The following LARP1 variants were observed in gnomAD, a reference collection of about 807,000 sequenced individuals.
LARP1 encodes La ribonucleoprotein 1, translational regulator, also known as la-related protein 1.
In LARP1, 36 loss-of-function variants were observed where a neutral mutation model predicts 122.7. The observed-to-expected ratio is 0.29, with a 90% CI of 0.22 to 0.39. The LOEUF (loss-of-function observed/expected upper bound fraction) is 0.39. Ranked by LOEUF, LARP1 falls within the 10% of genes least tolerant of loss-of-function variation. The pLI is 1.00. For missense variants in LARP1, 1,040 were observed against 1,403.6 expected (o/e 0.74, Z 4.14); for synonymous variants, 539 against 528.7 (o/e 1.02, Z -0.27).
Position 154,790,696 on chromosome 5 carries a change from C to T in LARP1, c.550C>T (p.His184Tyr), listed in dbSNP as rs1414145159. ...TTGGCCCACACCTGGAGAGATAGCC[C>T]ACAAGAGTGTTCAGGTGAGTCTGTG... is the stretch of plus-strand genomic sequence containing the variant. ...INWPTPGEIA[H>Y]KSVQPQSHKP... The change falls in exon 3 of 19, where the codon CAC (histidine) becomes TAC (tyrosine). Residue 184 changes from histidine (H) to tyrosine (Y), a missense_variant. Transcript: ENST00000518297. The T allele has an allele frequency of 6.2e-7, 1 of 1,614,056 alleles. No homozygotes were observed. Among genetic ancestry groups the T allele is most frequent in the Non-Finnish European group, 8.5e-7 (1 of 1,180,018 alleles).
intron 1 of LARP1, among the ~76,000 whole-genome samples, chr5:154,741,501 A>T (rs536530853): frequency 2.9e-4 from 44 of 152,284 alleles, no homozygotes; most frequent in Non-Finnish European, 5.1e-4. Context: ...TATTTCAACC[A>T]GGCTGATCAA....
At chr5:154,789,449 G>A (rs1306694867) in intron 1 of LARP1, among the ~76,000 whole-genome samples, 1 of 151,918 alleles carries the variant, frequency 6.6e-6, no homozygotes, top group Non-Finnish European at 1.5e-5. Flanking sequence ...TCAAACTCCT[G>A]ACCTCGGGTG....
intron 1 of LARP1, among the ~76,000 whole-genome samples, chr5:154,717,942 G>T (rs1263762431): frequency 6.6e-6 from 1 of 152,100 alleles, no homozygotes; most frequent in Non-Finnish European, 1.5e-5. Context: ...TTAAGAGTCA[G>T]TGTTTCACTC....
At chr5:154,784,380 A>C (rs1246214042) in intron 1 of LARP1, among the ~76,000 whole-genome samples, 1 of 152,198 alleles carries the variant, frequency 6.6e-6, no homozygotes, top group East Asian at 1.9e-4. Flanking sequence ...AGGTCGACCT[A>C]ACGGCCAAGT....
chr5:154,742,299 C>A (rs1218893454), intron 1 of LARP1, among the ~76,000 whole-genome samples: 1 of 152,188 alleles, frequency 6.6e-6, no homozygotes, highest in African/African-American at 2.4e-5. Context: ...TGGTGGCTCA[C>A]ACCTGTAATC....
At chr5:154,789,239 T>TTTTTA (rs1757145482) in intron 1 of LARP1, among the ~76,000 whole-genome samples, 5 of 145,550 alleles carry the variant, frequency 3.4e-5, no homozygotes, top group African/African-American at 1.3e-4. Flanking sequence ...TTTTTTTTTT[T>TTTTTA]GAGACAGTCT....
At chr5:154,756,295 A>C (rs1216041723) in intron 1 of LARP1, 102 bp downstream of exon 1, 58 of 966,506 alleles carry the variant, frequency 6.0e-5, no homozygotes, top group Non-Finnish European at 6.9e-5. Flanking sequence ...GCTACCGGTC[A>C]TGGTGACTCG....
At chr5:154,797,218 GTTGTTTTTTTTTTTTTTT>G (rs1757938780) in intron 8 of LARP1, among the ~76,000 whole-genome samples, 2 of 66,204 alleles carry the variant, frequency 3.0e-5, no homozygotes, top group Non-Finnish European at 6.2e-5. Context: ...TTTTGTTGTT[GTTGTTTTTTTTTTTTTTT>G]TTTTTTTTTT....
intron 7 of LARP1, 24 bp downstream of exon 7, chr5:154,794,286 C>G: frequency 6.2e-7 from 1 of 1,608,472 alleles, no homozygotes; most frequent in Non-Finnish European, 8.5e-7. Context: ...AGCCTTCTTA[C>G]CCTGGAGAAA....
upstream of LARP1, among the ~76,000 whole-genome samples, chr5:154,755,000 G>A (rs924617387): frequency 6.6e-6 from 1 of 152,120 alleles, no homozygotes; most frequent in South Asian, 2.1e-4. Flanking sequence ...ACCTGAGGCC[G>A]CTCTCACGCG....
In LARP1 at chr5:154,795,156, A is replaced by T. The variant is rs990455595; in HGVS notation, c.1233-19A>T. The stretch of plus-strand genomic sequence containing the variant: ...ATGCACCAATCCCTCGGTGATAACT[A>T]CTTCTTCCCTCCACTTAGTGAATAC... On this transcript the variant is annotated intron_variant, in intron 7 of 18. Transcript: ENST00000518297. The T allele has an allele frequency of 1.9e-6, 3 of 1,612,280 alleles. No individual in the cohort carries two copies. Among genetic ancestry groups the T allele is most frequent in the African/African-American group, 2.7e-5 (2 of 74,890 alleles).
intron 1 of LARP1, among the ~76,000 whole-genome samples, chr5:154,717,891 A>C (rs558241334): frequency 5.2e-4 from 79 of 151,900 alleles, no homozygotes; most frequent in Non-Finnish European, 9.4e-4. Context: ...ACACACACAC[A>C]CCTATGGGTT....
intron 1 of LARP1, among the ~76,000 whole-genome samples, chr5:154,745,054 A>G (rs1369078033): frequency 1.3e-5 from 2 of 151,556 alleles, no homozygotes; most frequent in Admixed American, 6.6e-5. Flanking sequence ...AGCCTCCCGC[A>G]TAGCTGGGAC....
intron 1 of LARP1, among the ~76,000 whole-genome samples, chr5:154,773,610 A>G (rs543489385): frequency 3.6e-4 from 55 of 152,334 alleles, no homozygotes; most frequent in Non-Finnish European, 7.1e-4. Flanking sequence ...GGGATAGGAT[A>G]TTTAAAACAC....
rs541145617 is a variant in LARP1, at chr5:154,780,698, C to T, written c.437-9627C>T. 3.3e-5 allele frequency among the ~76,000 whole-genome samples: 5 copies of T among 152,266 alleles called. No individual in the cohort carries two copies. The East Asian group carries it at 9.6e-4, about 29-fold the overall frequency. ...CTCCACTCCAATAATGGGAATAATC[C>T]AAAGTAATTTTTTGGGGATTCAGAA... On this transcript the variant is annotated intron_variant, in intron 1 of 18. Coordinates refer to ENST00000518297, the MANE Select transcript of LARP1 (RefSeq NM_033551.3).
rs76061490 is a variant in LARP1, at chr5:154,805,467, G to A, written c.2547-414G>A. On this transcript the variant is annotated intron_variant, in intron 14 of 18. Transcript: ENST00000518297. ...AGTGGCAAAGGTGGAAGAAATCTGC[G>A]TATAAGTGGACCCACGCGTGGATCC... Among the ~76,000 whole-genome samples, 536 of 152,264 alleles carry A rather than the reference G, an allele frequency of 3.5e-3. 4 individuals carry two copies. Among genetic ancestry groups the A allele is most frequent in the African/African-American group, 0.012 (500 of 41,552 alleles).
At chr5:154,780,089 A>G (rs1756300245) in intron 1 of LARP1, among the ~76,000 whole-genome samples, 3 of 151,880 alleles carry the variant, frequency 2.0e-5, no homozygotes. Flanking sequence ...TTGCTACTCG[A>G]GAACTCCAGC....
chr5:154,815,429 C>T lies in LARP1; in HGVS notation c.*1333C>T, dbSNP rs1759601351. On this transcript the variant is annotated 3_prime_UTR_variant, in exon 19 of 19. Coordinates refer to ENST00000518297, the MANE Select transcript of LARP1 (RefSeq NM_033551.3). The stretch of plus-strand genomic sequence containing the variant: ...ACTTGTCCTCAGCTTACCATCTCCT[C>T]ACACCCCAGAGTGGAAAGGTGAACA... 6.6e-6 allele frequency: 1 copy of T among 152,360 alleles called. No homozygotes were observed. The highest frequency in any genetic ancestry group is 1.5e-5 in the Non-Finnish European group (1 of 68,050). The allele number at this position is 152,360 out of a possible 1,614,324, so 9.4% of individuals were successfully genotyped here. A position where few individuals can be genotyped will look rare whatever the true frequency, so the allele number is the denominator to read the frequency against.
intron 1 of LARP1, among the ~76,000 whole-genome samples, chr5:154,759,404 T>C (rs1246649677): frequency 6.6e-6 from 1 of 152,246 alleles, no homozygotes; most frequent in East Asian, 1.9e-4. Context: ...CCTTAAAACT[T>C]GACTTTTGCT....
Sources: gnomAD v4.1 joint callset for allele counts (sites outside exome capture counted in the v4.1 genomes callset) on GRCh38, gnomAD v4.1.1 for gene constraint, MANE v1.5 for transcripts, NCBI Gene and HGNC (gene_info 2026-07-23, HGNC 2026-07-21) for gene names.